Variants in ITPRID1 observed in about 807,000 individuals in gnomAD.
ITPRID1 encodes the protein ITPR interacting domain containing 1, also known as protein ITPRID1.
ITPRID1 carries 96 observed loss-of-function variants against 95.4 expected under a neutral mutation model. That is an observed-to-expected ratio of 1.01 (90% CI 0.85 to 1.19). ITPRID1 has a LOEUF of 1.19. ITPRID1 is among the 50% of genes most tolerant of loss of function. The probability of loss-of-function intolerance (pLI) is 0.00; values close to 1 mark genes in which losing one functional copy is unlikely to be tolerated. For missense variants in ITPRID1, 1,339 were observed against 1,252.9 expected, an observed-to-expected ratio of 1.07 and a Z score of -1.04; for synonymous variants, 510 against 453.6, an observed-to-expected ratio of 1.12 and a Z score of -1.58.
chr7:31,521,830 C>T (rs1157499356), intron 1 of ITPRID1, among the ~76,000 whole-genome samples: 1 of 151,494 alleles, frequency 6.6e-6, no homozygotes, highest in Non-Finnish European at 1.5e-5. Flanking sequence ...CTCAAGTGAT[C>T]CTCCCATCTC....
chr7:31,587,387 C>G (rs199783494), intron 10 of ITPRID1, among the ~76,000 whole-genome samples: 27,612 of 151,540 alleles, frequency 0.18, 3,011 homozygotes, highest in South Asian at 0.31. Context: ...CTCCCATTCA[C>G]AATTGCTTCA....
rs746470131 is a variant in ITPRID1 at position 31,643,537 on chromosome 7, G to A, written c.2167G>A (p.Ala723Thr). The A allele has an allele frequency of 1.2e-6, 2 of 1,614,060 alleles. No homozygotes were observed. The highest frequency in any genetic ancestry group is 2.2e-5 in the South Asian group (2 of 91,086). Residue 723 changes from alanine (A) to threonine (T), a missense_variant, in exon 12 of 15, where the codon GCT becomes ACT. Transcript: ENST00000615280. ...SSSLVSAAQR[A>T]VALGTGPRGT... The stretch of plus-strand genomic sequence containing the variant: ...CAGCCTGGTGTCGGCTGCTCAGAGG[G>A]CTGTGGCCTTGGGGACTGGTCCCAG...
intron 5 of ITPRID1, among the ~76,000 whole-genome samples, chr7:31,557,883 G>A (rs1378812184): frequency 6.6e-6 from 1 of 152,154 alleles, no homozygotes; most frequent in Non-Finnish European, 1.5e-5. Context: ...GTTATGCGTG[G>A]AAACCCCTGG....
At chr7:31,580,541 TAAGAA>T (rs1341266646) in intron 9 of ITPRID1, among the ~76,000 whole-genome samples, 1 of 152,052 alleles carries the variant, frequency 6.6e-6, no homozygotes, top group African/African-American at 2.4e-5. Flanking sequence ...TATAACTAAA[TAAGAA>T]AAGAATGTTA....
At chr7:31,608,053 T>C (rs1020837175) in intron 10 of ITPRID1, among the ~76,000 whole-genome samples, 1 of 152,058 alleles carries the variant, frequency 6.6e-6, no homozygotes, top group Non-Finnish European at 1.5e-5. Context: ...TGTATGTATC[T>C]GTAAAGTTTT....
chr7:31,515,507 A>G (rs937049319), intron 1 of ITPRID1, among the ~76,000 whole-genome samples: 4 of 152,142 alleles, frequency 2.6e-5, no homozygotes, highest in African/African-American at 9.7e-5. Flanking sequence ...CCTGAGAGGC[A>G]GAGTTTGCAG....
At chr7:31,620,210 C>T (rs1168717773) in intron 10 of ITPRID1, among the ~76,000 whole-genome samples, 1 of 152,148 alleles carries the variant, frequency 6.6e-6, no homozygotes, top group East Asian at 1.9e-4. Flanking sequence ...CAGCAGTAAC[C>T]TCTTCAGACT....
chr7:31,627,073 A>G (rs113379590), intron 10 of ITPRID1, among the ~76,000 whole-genome samples: 2,083 of 152,338 alleles, frequency 0.014, 57 homozygotes, highest in African/African-American at 0.047. Context: ...AATACAATTC[A>G]AAAGTACTCC....
At chr7:31,520,515 TTGTGTGTGTGTGTGTGTGTGTG>T (rs57709822) in intron 1 of ITPRID1, among the ~76,000 whole-genome samples, 13,860 of 135,618 alleles carry the variant, frequency 0.1, 773 homozygotes, top group Middle Eastern at 0.15. Context: ...TACCACATCA[TTGTGTGTGTGTGTGTGTGTGTG>T]TGTGTGTGTG....
chr7:31,604,458 C>A (rs1374010028), intron 10 of ITPRID1, among the ~76,000 whole-genome samples: 1 of 152,142 alleles, frequency 6.6e-6, no homozygotes, highest in African/African-American at 2.4e-5. Context: ...AAGATACCAT[C>A]CTAATGTAAA....
chr7:31,519,614 C>CTATATATATATATA (rs1396946575), intron 1 of ITPRID1, among the ~76,000 whole-genome samples: 2 of 43,168 alleles, frequency 4.6e-5, no homozygotes, highest in African/African-American at 1.7e-4. Context: ...CTCTCTCTCT[C>CTATATATATATATA]TCTCTCTATA....
At chr7:31,549,596 GAA>G in intron 2 of ITPRID1, 97 bp downstream of exon 2, 1 of 847,608 alleles carries the variant, frequency 1.2e-6, no homozygotes, top group African/African-American at 1.8e-5. Context: ...TAGATTATCA[GAA>G]AAGTTTGAAA....
In ITPRID1 at chr7:31,578,238, T is replaced by C. The variant is rs778729726; in HGVS notation, c.974T>C (p.Leu325Pro). Residue 325 changes from leucine to proline, a missense_variant, in exon 9 of 15, where the codon CTA (leucine) becomes CCA (proline). Transcript: ENST00000615280. ...HQSLQACDDLLPYPPHGLLSK... is the reference protein window; with the variant it reads ...HQSLQACDDLPPYPPHGLLSK... ...TCTCTCCAAGCCTGTGATGATTTGC[T>C]ACCTTATCCTCCTCATGGTCTTCTG... 1 of 1,613,842 alleles carries C rather than the reference T, an allele frequency of 6.2e-7. No homozygotes were observed. The highest frequency in any genetic ancestry group is 8.5e-7 in the Non-Finnish European group (1 of 1,179,790).
At chr7:31,552,917 TC>T (rs1274183336) in intron 2 of ITPRID1, 84 bp from the exon 3 acceptor site, 19 of 1,347,294 alleles carry the variant, frequency 1.4e-5, no homozygotes, top group Non-Finnish European at 1.7e-5. Flanking sequence ...CTGTAGGCAT[TC>T]TGGCCTTCTT....
At chr7:31,625,024 G>A (rs1208747279) in intron 10 of ITPRID1, among the ~76,000 whole-genome samples, 6 of 152,190 alleles carry the variant, frequency 3.9e-5, no homozygotes, top group Admixed American at 3.9e-4. Flanking sequence ...ATGAAAAAAT[G>A]CTCATCATCA....
chr7:31,587,957 A>G (rs928976706), intron 10 of ITPRID1, among the ~76,000 whole-genome samples: 2 of 152,172 alleles, frequency 1.3e-5, no homozygotes, highest in Non-Finnish European at 2.9e-5. Context: ...CTGAAACTGG[A>G]TCCCTTCCTT....
intron 2 of ITPRID1, among the ~76,000 whole-genome samples, chr7:31,552,208 T>C (rs977804513): frequency 1.4e-5 from 2 of 143,170 alleles, no homozygotes; most frequent in African/African-American, 4.9e-5. Context: ...AGGTGTGTAA[T>C]ATATTCATAA....
At chr7:31,650,182 A>G (rs1444259536) in intron 12 of ITPRID1, among the ~76,000 whole-genome samples, 2 of 152,206 alleles carry the variant, frequency 1.3e-5, no homozygotes, top group Non-Finnish European at 2.9e-5. Flanking sequence ...TAAGAAATAC[A>G]TATTTACAAT....
chr7:31,622,910 A>G (rs1583619917), intron 10 of ITPRID1, among the ~76,000 whole-genome samples: 1 of 152,350 alleles, frequency 6.6e-6, no homozygotes, highest in East Asian at 1.9e-4. Context: ...ACAATAAAAA[A>G]TGATAAAGGG....
Sources: gnomAD v4.1 joint callset for allele counts (sites outside exome capture counted in the v4.1 genomes callset) on GRCh38, gnomAD v4.1.1 for gene constraint, MANE v1.5 for transcripts, NCBI Gene and HGNC (gene_info 2026-07-23, HGNC 2026-07-21) for gene names.